Variants in TRPM2 observed in about 807,000 individuals in gnomAD.
The protein encoded by TRPM2 is transient receptor potential cation channel subfamily M member 2.
TRPM2 carries 161 observed loss-of-function variants against 174.0 expected under a neutral mutation model. The observed-to-expected ratio is 0.93, with a 90% CI of 0.81 to 1.05. The LOEUF (loss-of-function observed/expected upper bound fraction) is 1.05. TRPM2 is among the 50% of genes least tolerant of loss of function. The pLI, the probability that TRPM2 is intolerant of heterozygous loss-of-function variation, is 0.00. For synonymous variants in TRPM2, 954 were observed against 861.3 expected (o/e 1.11, Z -1.88); for missense variants, 2,057 against 2,038.0 (o/e 1.01, Z -0.18).
chr21:44,415,770 A>T (rs2050258273), intron 20 of TRPM2: 1 of 152,224 alleles, frequency 6.6e-6, no homozygotes, highest in African/African-American at 2.4e-5. Context: ...AACAAGGAGT[A>T]CAAAATAGGT....
intron 30 of TRPM2, among the ~76,000 whole-genome samples, chr21:44,440,140 C>T (rs1041554722): frequency 2.0e-5 from 3 of 150,946 alleles, no homozygotes; most frequent in East Asian, 4.0e-4. Flanking sequence ...AGTTCGAGAC[C>T]AGCCTGGCCA....
At chr21:44,393,630 T>C (rs1341338256) in intron 11 of TRPM2, among the ~76,000 whole-genome samples, 3 of 152,158 alleles carry the variant, frequency 2.0e-5, no homozygotes, top group African/African-American at 7.2e-5. Context: ...ATAAGCTTGG[T>C]CGACTCCCCT....
Position 44,426,649 on chromosome 21 carries a change from T to C in TRPM2, c.3796-11T>C. The C allele has an allele frequency of 6.2e-7, 1 of 1,614,150 alleles. No individual in the cohort carries two copies. Among genetic ancestry groups the C allele is most frequent in the African/African-American group, 1.3e-5 (1 of 75,076 alleles). On this transcript the variant is annotated splice_polypyrimidine_tract_variant and intron_variant, in intron 25 of 31. Transcript: ENST00000397928. ...TAAAAATCTGAGGGAAAACTCCCTG[T>C]TTTGCGACAGACGGAGTTCCTGATC...
Position 44,438,699 on chromosome 21 carries a change from C to T in TRPM2, c.4168-368C>T, listed in dbSNP as rs73377630. On this transcript the variant is annotated intron_variant, in intron 29 of 31. Transcript: ENST00000397928. This position sits in a 1 kb window ranked among gnomAD's most constrained non-coding sequence, Gnocchi z 5.9. ...GCAAACAGGGAACCCGCCGTGGCAG[C>T]CTGCTGCACTGGGCGGGAGCTGGGA... is the stretch of plus-strand genomic sequence containing the variant. 7.9e-5 allele frequency among the ~76,000 whole-genome samples: 12 copies of T among 152,136 alleles called. No homozygotes were observed. Among genetic ancestry groups the T allele is most frequent in the Admixed American group, 2.6e-4 (4 of 15,292 alleles).
rs773024499 is a variant in TRPM2, at chr21:44,391,307, C to T, written c.1476C>T (p.Leu492=). Residue 492 remains leucine, a synonymous_variant, in exon 11 of 32, where the codon CTC becomes CTT. Transcript: ENST00000397928. The surrounding 1 kb of genome is among the most constrained non-coding windows in gnomAD (Gnocchi z 5.0). ...TGCACCCCACGATGACAGCTGCACTCATCTCCAACAAGCCTGAGTTTGTGA... is the reference window on the plus strand; with the variant it reads ...TGCACCCCACGATGACAGCTGCACTTATCTCCAACAAGCCTGAGTTTGTGA... ...SDLHPTMTAA[L]ISNKPEFVKL... 47 of 1,613,978 alleles carry T rather than the reference C, an allele frequency of 2.9e-5. No individual in the cohort carries two copies. Among genetic ancestry groups the T allele is most frequent in the Non-Finnish European group, 3.8e-5 (45 of 1,180,038 alleles).
chr21:44,404,304 A>G (rs1462097414), intron 16 of TRPM2, among the ~76,000 whole-genome samples: 1 of 152,170 alleles, frequency 6.6e-6, no homozygotes, highest in Non-Finnish European at 1.5e-5. Context: ...ACATGCACAC[A>G]TACATGCACA....
intron 16 of TRPM2, among the ~76,000 whole-genome samples, chr21:44,404,598 C>A (rs930796338): frequency 1.3e-5 from 2 of 152,094 alleles, no homozygotes; most frequent in African/African-American, 2.4e-5. Flanking sequence ...ATTTGCTGAC[C>A]GTGATGATAG....
Position 44,391,294 on chromosome 21 carries a change from T to C in TRPM2, c.1463T>C (p.Met488Thr). Residue 488 changes from methionine (M) to threonine (T), a missense_variant, in exon 11 of 32, where the codon ATG becomes ACG. Transcript: ENST00000397928. The surrounding 1 kb of genome is among the most constrained non-coding windows in gnomAD (Gnocchi z 5.0). ...QWKPSDLHPTMTAALISNKPE... is the reference protein window; with the variant it reads ...QWKPSDLHPTTTAALISNKPE... ...CAGCCTTCAGATCTGCACCCCACGA[T>C]GACAGCTGCACTCATCTCCAACAAG... The C allele has an allele frequency of 6.2e-7, 1 of 1,613,840 alleles. No individual in the cohort carries two copies. The highest frequency in any genetic ancestry group is 1.1e-5 in the South Asian group (1 of 91,076).
At chr21:44,374,167 T>C (rs1338862523) in intron 5 of TRPM2, among the ~76,000 whole-genome samples, 2 of 152,076 alleles carry the variant, frequency 1.3e-5, no homozygotes, top group African/African-American at 4.8e-5. Context: ...TGTGCCACCA[T>C]ACCCAGCTAA....
Position 44,432,427 on chromosome 21 carries a change from C to G in TRPM2, c.3975-2704C>G, listed in dbSNP as rs577305474. 6.6e-6 allele frequency among the ~76,000 whole-genome samples: 1 copy of G among 152,156 alleles called. No individual in the cohort carries two copies. The highest frequency in any genetic ancestry group is 2.4e-5 in the African/African-American group (1 of 41,408). On this transcript the variant is annotated intron_variant, in intron 27 of 31. Coordinates refer to ENST00000397928, the MANE Select transcript of TRPM2 (RefSeq NM_003307.4). This position sits in a 1 kb window ranked among gnomAD's most constrained non-coding sequence, Gnocchi z 4.9. ...TAGGGCCAACCCTATTCCAGTGTAG[C>G]TTCATCTTAACTAATTACACCTGCA... is the stretch of plus-strand genomic sequence containing the variant.
Position 44,354,674 on chromosome 21 carries a change from T to C in TRPM2, c.192T>C (p.Pro64=). 1 of 1,614,204 alleles carries C rather than the reference T, an allele frequency of 6.2e-7. No individual in the cohort carries two copies. The highest frequency in any genetic ancestry group is 1.3e-5 in the African/African-American group (1 of 75,048). ...DKQESLSSWI[P]ENIKKKECVY... The stretch of plus-strand genomic sequence containing the variant: ...AAGAAAGCCTCAGTTCGTGGATTCC[T>C]GAAAACATCAAGAAGAAAGAATGCG... Residue 64 remains proline (P), a synonymous_variant, in exon 2 of 32, where the codon CCT becomes CCC. Transcript: ENST00000397928. The surrounding 1 kb of genome is among the most constrained non-coding windows in gnomAD (Gnocchi z 4.3).
intron 2 of TRPM2, among the ~76,000 whole-genome samples, chr21:44,355,077 CAA>C (rs2048017127): frequency 2.0e-5 from 3 of 152,088 alleles, no homozygotes; most frequent in Non-Finnish European, 4.4e-5. Flanking sequence ...GCCCCCACCC[CAA>C]GAGAGAGAGT....
chr21:44,373,568 CG>C (rs2048604944), intron 5 of TRPM2, among the ~76,000 whole-genome samples: 2 of 103,260 alleles, frequency 1.9e-5, no homozygotes, highest in Non-Finnish European at 4.5e-5. Flanking sequence ...GCATTATATG[CG>C]ACCTGCATTA....
At chr21:44,408,193 C>T (rs570847028) in intron 19 of TRPM2, among the ~76,000 whole-genome samples, 6 of 152,162 alleles carry the variant, frequency 3.9e-5, no homozygotes, top group African/African-American at 7.2e-5. Flanking sequence ...GTGATCCACC[C>T]GCCTCGGCCT....
Position 44,434,480 on chromosome 21 carries a change from C to T in TRPM2, c.3975-651C>T, listed in dbSNP as rs151006444. Among the ~76,000 whole-genome samples the T allele has an allele frequency of 5.5e-3, 830 of 152,064 alleles. 6 individuals are homozygous for T. The highest frequency in any genetic ancestry group is 0.015 in the African/African-American group (626 of 41,444). ...GGGGACCTTCTGTAGACGTGGATGC[C>T]GCCCCCACCGCACGATAGCGGCAGT... On this transcript the variant is annotated intron_variant, in intron 27 of 31. Coordinates refer to ENST00000397928, the MANE Select transcript of TRPM2 (RefSeq NM_003307.4).
At chr21:44,398,072 C>T (rs2049489490) in intron 13 of TRPM2, among the ~76,000 whole-genome samples, 196 bp downstream of exon 13, 1 of 152,234 alleles carries the variant, frequency 6.6e-6, no homozygotes, top group Admixed American at 6.5e-5. Context: ...TTCGTCTTGC[C>T]TGCTGCTCAG....
intron 3 of TRPM2, among the ~76,000 whole-genome samples, chr21:44,365,944 A>C (rs528603299): frequency 2.6e-4 from 40 of 152,288 alleles, no homozygotes; most frequent in Non-Finnish European, 4.4e-4. Flanking sequence ...GACCTTCTTT[A>C]GTGACAATGC....
rs551529502 is a variant in TRPM2 at position 44,429,506 on chromosome 21, T to G, written c.3974+2395T>G. On this transcript the variant is annotated intron_variant, in intron 27 of 31. Coordinates refer to ENST00000397928, the MANE Select transcript of TRPM2 (RefSeq NM_003307.4). ...TTCACCATGTTGGCCAGGCTGGTCTTGAATTCCTGACCTCAGGTGATCCAC... is the reference window on the plus strand; with the variant it reads ...TTCACCATGTTGGCCAGGCTGGTCTGGAATTCCTGACCTCAGGTGATCCAC... Among the ~76,000 whole-genome samples the G allele has an allele frequency of 5.3e-5, 8 of 152,012 alleles. No individual in the cohort carries two copies. The South Asian group carries it at 1.7e-3, about 32-fold the overall frequency.
chr21:44,415,163 T>C (rs2050237136), intron 20 of TRPM2: 1 of 152,256 alleles, frequency 6.6e-6, no homozygotes. Context: ...CGTGCTTTGC[T>C]GGTTTTGTGG....
Sources: allele counts gnomAD v4.1 joint callset (sites outside exome capture counted in the v4.1 genomes callset), GRCh38; gene constraint gnomAD v4.1.1; non-coding constraint Gnocchi (gnomAD v3.1); transcripts MANE v1.5; gene names NCBI Gene and HGNC (gene_info 2026-07-23, HGNC 2026-07-21).